Variants in RAB30 observed in about 807,000 individuals in gnomAD.
RAB30 encodes the protein RAB30, member RAS oncogene family.
In RAB30, 9 loss-of-function variants were observed where a neutral mutation model predicts 25.1. The observed-to-expected ratio is 0.36, with a 90% CI of 0.22 to 0.63. RAB30 has a LOEUF of 0.63. Ranked by LOEUF, RAB30 falls within the 20% of genes least tolerant of loss-of-function variation. The probability of loss-of-function intolerance (pLI) is 0.69; values close to 1 mark genes in which losing one functional copy is unlikely to be tolerated. For synonymous variants in RAB30, 77 were observed against 86.4 expected (o/e 0.89, Z 0.60); for missense variants, 140 against 243.5 (o/e 0.58, Z 2.83).
chr11:83,030,751 C>T (rs901775143), intron 1 of RAB30, among the ~76,000 whole-genome samples: 2 of 150,966 alleles, frequency 1.3e-5, no homozygotes, highest in Admixed American at 6.6e-5. Context: ...GAGCTGAGAT[C>T]GTGCCATTGC....
intron 1 of RAB30, among the ~76,000 whole-genome samples, chr11:83,046,055 A>G (rs2121516761): frequency 6.6e-6 from 1 of 152,356 alleles, no homozygotes; most frequent in East Asian, 1.9e-4. Flanking sequence ...GCAACTGCCA[A>G]ATAAATCACC....
chr11:82,980,898 A>G lies in RAB30; in HGVS notation c.*1267T>C, dbSNP rs1220772363. 1 of 152,104 alleles carries G rather than the reference A, an allele frequency of 6.6e-6. No individual in the cohort carries two copies. Among genetic ancestry groups the G allele is most frequent in the African/African-American group, 2.4e-5 (1 of 41,370 alleles). The allele number at this position is 152,104 out of a possible 1,614,324, so 9.4% of individuals were successfully genotyped here. The stretch of plus-strand genomic sequence containing the variant: ...AAAATAGAGAGGAAAAGAGAAAGAA[A>G]AAAGAAAGAACATATGGTTAAGCGT... On this transcript the variant is annotated 3_prime_UTR_variant, in exon 5 of 5. Transcript: ENST00000527633.
At chr11:82,994,741 A>C (rs1251228392) in intron 2 of RAB30, among the ~76,000 whole-genome samples, 1 of 152,166 alleles carries the variant, frequency 6.6e-6, no homozygotes, top group East Asian at 1.9e-4. Flanking sequence ...CCTCAGTACA[A>C]TGTACCATGC....
chr11:83,032,164 T>A lies in RAB30; in HGVS notation c.-8-34840A>T, dbSNP rs1857879580. 3.3e-5 allele frequency among the ~76,000 whole-genome samples: 5 copies of A among 152,296 alleles called. No individual in the cohort carries two copies. In the South Asian group the frequency reaches 1.0e-3, roughly 32 times the overall value. ...CCTTATTTCCTAGGACTCACTCACA[T>A]CCTTGCCCACTGACTTCCCCATTAG... On this transcript the variant is annotated intron_variant, in intron 1 of 4. Coordinates refer to ENST00000527633, the MANE Select transcript of RAB30 (RefSeq NM_001286060.2).
intron 1 of RAB30, among the ~76,000 whole-genome samples, chr11:83,058,589 G>C (rs1177199625): frequency 1.3e-5 from 2 of 152,254 alleles, no homozygotes; most frequent in Admixed American, 6.5e-5. Flanking sequence ...TGCCACACGA[G>C]TGATACTGTG....
intron 1 of RAB30, chr11:83,041,745 A>T (rs1352688364): frequency 6.6e-6 from 1 of 152,430 alleles, no homozygotes. Context: ...TTTTTTAAAA[A>T]GTTTTTAACC....
At chr11:83,043,974 T>C (rs1035308618) in intron 1 of RAB30, among the ~76,000 whole-genome samples, 6 of 152,116 alleles carry the variant, frequency 3.9e-5, no homozygotes, top group African/African-American at 1.4e-4. Flanking sequence ...GAAAGACTCA[T>C]TAATAGTTAA....
intron 4 of RAB30, among the ~76,000 whole-genome samples, chr11:82,983,639 G>A (rs968641437): frequency 2.0e-5 from 3 of 151,388 alleles, no homozygotes; most frequent in South Asian, 2.1e-4. Flanking sequence ...GTTTCGCCAC[G>A]TCCAGGCTGG....
At chr11:83,010,774 A>T (rs910830471) in intron 1 of RAB30, among the ~76,000 whole-genome samples, 11 of 152,194 alleles carry the variant, frequency 7.2e-5, no homozygotes, top group African/African-American at 2.7e-4. Context: ...AACTGAACGA[A>T]CCCAAAATGC....
intron 1 of RAB30, chr11:83,071,293 C>T (rs939107716): frequency 3.3e-5 from 5 of 152,288 alleles, no homozygotes; most frequent in African/African-American, 1.2e-4. Flanking sequence ...AATTCACTGT[C>T]TCCATTTCTC....
At chr11:83,008,677 C>CGCACACACAT (rs1463405519) in intron 1 of RAB30, among the ~76,000 whole-genome samples, 1 of 152,066 alleles carries the variant, frequency 6.6e-6, no homozygotes, top group Non-Finnish European at 1.5e-5. Flanking sequence ...CAGGGATGGA[C>CGCACACACAT]GCACACACAT....
At chr11:83,015,793 A>ATC (rs929261392) in intron 1 of RAB30, among the ~76,000 whole-genome samples, 1 of 152,196 alleles carries the variant, frequency 6.6e-6, no homozygotes, top group Non-Finnish European at 1.5e-5. Flanking sequence ...AGTGTCAAAG[A>ATC]AAATGGTGAT....
intron 3 of RAB30, among the ~76,000 whole-genome samples, 182 bp from the exon 4 acceptor site, chr11:82,987,952 A>C (rs1431860433): frequency 2.6e-5 from 4 of 151,152 alleles, no homozygotes; most frequent in Non-Finnish European, 5.9e-5. Flanking sequence ...AATTAAAAAA[A>C]AAAAAATCTG....
At chr11:82,999,113 G>A (rs1449038730) in intron 1 of RAB30, among the ~76,000 whole-genome samples, 1 of 152,186 alleles carries the variant, frequency 6.6e-6, no homozygotes, top group African/African-American at 2.4e-5. Flanking sequence ...ACATTTCTCT[G>A]TACAAGAATC....
chr11:83,049,822 C>T (rs1858317698), intron 1 of RAB30, among the ~76,000 whole-genome samples: 1 of 152,134 alleles, frequency 6.6e-6, no homozygotes, highest in Non-Finnish European at 1.5e-5. Context: ...AACTACACAT[C>T]AATTATCCAA....
chr11:82,987,846 G>A (rs1209730945), intron 3 of RAB30, 76 bp from the exon 4 acceptor site: 4 of 859,626 alleles, frequency 4.7e-6, no homozygotes, highest in South Asian at 2.9e-5. Flanking sequence ...GCTTTGCCTT[G>A]CTTTGGTTTG....
chr11:83,005,467 G>A (rs1857165393), intron 1 of RAB30, among the ~76,000 whole-genome samples: 1 of 152,148 alleles, frequency 6.6e-6, no homozygotes, highest in Non-Finnish European at 1.5e-5. Flanking sequence ...CTGAGGTTCA[G>A]AGAGATTAAT....
At chr11:83,052,591 A>G (rs1858379518) in intron 1 of RAB30, among the ~76,000 whole-genome samples, 1 of 152,230 alleles carries the variant, frequency 6.6e-6, no homozygotes, top group Admixed American at 6.5e-5. Flanking sequence ...CCAGCTGGGA[A>G]AACATTCCCT....
intron 3 of RAB30, among the ~76,000 whole-genome samples, chr11:82,993,547 A>T (rs1307189566): frequency 6.6e-6 from 1 of 152,240 alleles, no homozygotes; most frequent in African/African-American, 2.4e-5. Flanking sequence ...CAAAGGCTGG[A>T]GGGGCAGGAA....
Sources: allele counts gnomAD v4.1 joint callset (sites outside exome capture counted in the v4.1 genomes callset), GRCh38; gene constraint gnomAD v4.1.1; transcripts MANE v1.5; gene names NCBI Gene and HGNC (gene_info 2026-07-23, HGNC 2026-07-21).